The following AHRR variants were observed in gnomAD, a reference collection of about 807,000 sequenced individuals.
AHRR encodes the protein aryl hydrocarbon receptor repressor, also known as ahR repressor.
Under a neutral mutation model 44.0 loss-of-function variants are expected in AHRR, and 28 were observed. That is an observed-to-expected ratio of 0.64 (90% confidence interval 0.47 to 0.87). The LOEUF (loss-of-function observed/expected upper bound fraction) is 0.87. Ranked by LOEUF, AHRR falls within the 40% of genes least tolerant of loss-of-function variation. The pLI, the probability that AHRR is intolerant of heterozygous loss-of-function variation, is 0.00. For synonymous variants in AHRR, 434 were observed against 407.0 expected (o/e 1.07, Z -0.80); for missense variants, 990 against 953.9 (o/e 1.04, Z -0.50).
At chr5:340,015 C>T (rs892717400) in intron 1 of AHRR, among the ~76,000 whole-genome samples, 1 of 152,122 alleles carries the variant, frequency 6.6e-6, no homozygotes, top group Non-Finnish European at 1.5e-5. Flanking sequence ...GTTTTCTTTT[C>T]GTGCAATGCC....
intron 3 of AHRR, among the ~76,000 whole-genome samples, chr5:368,206 T>G (rs189146794): frequency 3.6e-4 from 55 of 152,348 alleles, no homozygotes; most frequent in African/African-American, 1.3e-3. Flanking sequence ...GAGGACTCAG[T>G]GAGGGCTCGG....
chr5:350,039 G>A (rs1219020736), intron 2 of AHRR, among the ~76,000 whole-genome samples: 2 of 152,134 alleles, frequency 1.3e-5, no homozygotes, highest in Admixed American at 6.5e-5. Flanking sequence ...TTTAGAGAGG[G>A]CTTAAACTCA....
In AHRR at chr5:436,850, C is replaced by T. The variant is rs1468592891; in HGVS notation, c.*2016C>T. ...GCAGGCACCTGTGAAGACCAGGCAC[C>T]TGAGGACTGGCGCCTACTTCCCACT... On this transcript the variant is annotated 3_prime_UTR_variant, in exon 11 of 11. Coordinates refer to ENST00000684583, the MANE Select transcript of AHRR (RefSeq NM_001377236.1). 6.6e-6 allele frequency: 1 copy of T among 152,446 alleles called. No homozygotes were observed. Among genetic ancestry groups the T allele is most frequent in the Non-Finnish European group, 1.5e-5 (1 of 68,102 alleles). The allele number at this position is 152,446 out of a possible 1,614,324, so 9.4% of individuals were successfully genotyped here. A position where few individuals can be genotyped will look rare whatever the true frequency, so the allele number is the denominator to read the frequency against.
chr5:343,487 A>ACCCCACATACCTTC (rs1560883307), intron 1 of AHRR: 2 of 227,094 alleles, frequency 8.8e-6, no homozygotes, highest in Non-Finnish European at 8.6e-6. Flanking sequence ...GGAACACGGG[A>ACCCCACATACCTTC]TCCCGCGTGA....
intron 1 of AHRR, among the ~76,000 whole-genome samples, chr5:331,646 G>A (rs1052976292): frequency 5.9e-5 from 9 of 152,204 alleles, no homozygotes; most frequent in Non-Finnish European, 4.4e-5. Flanking sequence ...ACCGGTACCT[G>A]TCCATGGCTC....
At position 327,057 on chromosome 5, in the gene AHRR, TCAA is replaced by T. The variant is rs200597492; in HGVS notation, c.-11+5246_-11+5248del. On this transcript the variant is annotated intron_variant, in intron 1 of 10. Transcript: ENST00000684583. ...CATGGCAACAGAGCGAGACTCTGTCTCAACAACAACGGCAACAGCAACAAGAAG... is the reference window on the plus strand; with the variant it reads ...CATGGCAACAGAGCGAGACTCTGTCTCAACAACGGCAACAGCAACAAGAAG... Among the ~76,000 whole-genome samples the T allele has an allele frequency of 7.8e-3, 1,188 of 152,282 alleles. 4 individuals are homozygous for T. Among genetic ancestry groups the T allele is most frequent in the Non-Finnish European group, 0.012 (790 of 68,024 alleles).
In AHRR at chr5:343,983, T is replaced by C. The variant is rs776427095; in HGVS notation, c.62+19T>C. 20 of 1,592,240 alleles carry C rather than the reference T, an allele frequency of 1.3e-5. No individual in the cohort carries two copies. In the African/African-American group the frequency reaches 2.8e-4, roughly 22 times the overall value. ...AGAAACAGTAAAGTATCCCGCCTTCTGCTTGTGTGGGTTGTTGCACCCATG... is the reference window on the plus strand; with the variant it reads ...AGAAACAGTAAAGTATCCCGCCTTCCGCTTGTGTGGGTTGTTGCACCCATG... On this transcript the variant is annotated intron_variant, in intron 2 of 10. Coordinates refer to ENST00000684583, the MANE Select transcript of AHRR (RefSeq NM_001377236.1).
At chr5:376,781 C>T in intron 4 of AHRR, 65 bp downstream of exon 4, 1 of 1,362,112 alleles carries the variant, frequency 7.3e-7, no homozygotes, top group Non-Finnish European at 1.0e-6. Context: ...CGTGTTCAGG[C>T]TCAGTCATAC....
intron 2 of AHRR, among the ~76,000 whole-genome samples, chr5:348,419 C>A (rs369388417): frequency 6.6e-6 from 1 of 151,538 alleles, no homozygotes; most frequent in Admixed American, 6.6e-5. Context: ...AGGTGTGCAG[C>A]GGGTCCATTT....
Position 344,085 on chromosome 5 carries a change from C to A in AHRR, c.62+121C>A, listed in dbSNP as rs570432396. The A allele has an allele frequency of 6.8e-4, 747 of 1,100,386 alleles. 4 individuals carry two copies. The African/African-American group carries it at 0.011, about 16-fold the overall frequency. 68.2% of individuals were successfully genotyped at this position (1,100,386 alleles called of 1,614,324 possible). On this transcript the variant is annotated intron_variant, in intron 2 of 10. Coordinates refer to ENST00000684583, the MANE Select transcript of AHRR (RefSeq NM_001377236.1). ...AGCGAGGAAGGCTTCGGGAGCCGGG[C>A]GGGCCGGGGCTGAGCTCCGGCGCGG...
At chr5:376,557 A>ATGTGAATGAATGAGAACG (rs368685976) in intron 3 of AHRR, 53 bp from the exon 4 acceptor site, 5 of 1,429,202 alleles carry the variant, frequency 3.5e-6, no homozygotes, top group Non-Finnish European at 2.8e-6. Context: ...AATGAAGAAG[A>ATGTGAATGAATGAGAACG]GTGGCCAGGC....
intron 4 of AHRR, among the ~76,000 whole-genome samples, chr5:382,577 A>AT (rs139013876): frequency 0.12 from 17,378 of 150,670 alleles, 1,356 homozygotes; most frequent in Non-Finnish European, 0.16. Context: ...AATTTTACTG[A>AT]TTTTTTTTCA....
chr5:333,818 A>G (rs1742024645), intron 1 of AHRR, among the ~76,000 whole-genome samples: 1 of 151,960 alleles, frequency 6.6e-6, no homozygotes, highest in South Asian at 2.1e-4. Context: ...TTTATGAGTG[A>G]GTTTTATATA....
chr5:426,652 A>G (rs373549834), intron 7 of AHRR, among the ~76,000 whole-genome samples: 1 of 140,366 alleles, frequency 7.1e-6, no homozygotes, highest in Non-Finnish European at 1.6e-5. Flanking sequence ...GATAGATAGA[A>G]AGATGGATGG....
chr5:423,506 C>A (rs1736229070), intron 6 of AHRR, among the ~76,000 whole-genome samples: 1 of 152,186 alleles, frequency 6.6e-6, no homozygotes, highest in African/African-American at 2.4e-5. Context: ...TGAAATAATT[C>A]ACGGAAAGTT....
intron 4 of AHRR, among the ~76,000 whole-genome samples, chr5:382,192 G>C (rs547223023): frequency 2.6e-5 from 4 of 152,184 alleles, no homozygotes; most frequent in African/African-American, 9.7e-5. Flanking sequence ...AAAATTAATT[G>C]AGGGTATTCC....
In AHRR at chr5:351,887, G is replaced by A. The variant is rs111759820; in HGVS notation, c.63-1843G>A. On this transcript the variant is annotated intron_variant, in intron 2 of 10. Coordinates refer to ENST00000684583, the MANE Select transcript of AHRR (RefSeq NM_001377236.1). ...ATTGTTTCAGACTTACAGCTTGCAC[G>A]TGTCAGCTCACTCATAAATGCAAAC... Among the ~76,000 whole-genome samples the A allele has an allele frequency of 2.1e-3, 327 of 152,338 alleles. 2 individuals carry two copies. The highest frequency in any genetic ancestry group is 7.5e-3 in the African/African-American group (311 of 41,580).
rs1420946538 is a variant in AHRR at position 374,086 on chromosome 5, C to G, written c.245-2524C>G. ...GGGTCGGCTCCGCTGCGGGAGCGAC[C>G]CCTGCAATGGGGCTTGGCTGCACCG... On this transcript the variant is annotated intron_variant, in intron 3 of 10. Coordinates refer to ENST00000684583, the MANE Select transcript of AHRR (RefSeq NM_001377236.1). 2.6e-5 allele frequency among the ~76,000 whole-genome samples: 4 copies of G among 152,112 alleles called. 1 individual carries two copies. The highest frequency in any genetic ancestry group is 4.4e-5 in the Non-Finnish European group (3 of 67,996).
rs535529219 is a variant in AHRR, at chr5:394,737, T to C, written c.351+18021T>C. On this transcript the variant is annotated intron_variant, in intron 4 of 10. Transcript: ENST00000684583. ...TGGTCCCCGTGTGCGCTGGCTCCGA[T>C]TGGGCCTGTGTGGGGCCGGACAGGG... Among the ~76,000 whole-genome samples the C allele has an allele frequency of 7.2e-5, 11 of 152,354 alleles. No individual in the cohort carries two copies. In the South Asian group the frequency reaches 1.9e-3, roughly 26 times the overall value.
Sources: gnomAD v4.1 joint callset for allele counts (sites outside exome capture counted in the v4.1 genomes callset) on GRCh38, gnomAD v4.1.1 for gene constraint, MANE v1.5 for transcripts, NCBI Gene and HGNC (gene_info 2026-07-23, HGNC 2026-07-21) for gene names.